The following TBC1D22A variants were observed in gnomAD, a reference collection of about 807,000 sequenced individuals.
TBC1D22A encodes TBC1 domain family member 22A.
Under a neutral mutation model 60.2 loss-of-function variants are expected in TBC1D22A, and 38 were observed. The observed-to-expected ratio is 0.63, with a 90% CI of 0.49 to 0.83. The LOEUF is 0.83. Ranked by LOEUF, TBC1D22A falls within the 40% of genes least tolerant of loss-of-function variation. The pLI is 0.00. For missense variants in TBC1D22A, 628 were observed against 701.0 expected (o/e 0.90, Z 1.18); for synonymous variants, 302 against 281.7 (o/e 1.07, Z -0.72).
intron 8 of TBC1D22A, among the ~76,000 whole-genome samples, chr22:46,967,885 C>T (rs1041502466): frequency 2.0e-5 from 3 of 151,892 alleles, no homozygotes; most frequent in African/African-American, 7.3e-5. Flanking sequence ...CTGGTAATTA[C>T]AAGCTACGAT....
intron 4 of TBC1D22A, among the ~76,000 whole-genome samples, chr22:46,823,671 G>T (rs575166752): frequency 6.6e-6 from 1 of 152,248 alleles, no homozygotes; most frequent in South Asian, 2.1e-4. Context: ...CACGTGGGCA[G>T]TACTTAATAA....
intron 11 of TBC1D22A, among the ~76,000 whole-genome samples, chr22:47,093,183 G>A (rs1011176436): frequency 3.3e-5 from 5 of 152,146 alleles, no homozygotes; most frequent in Admixed American, 6.5e-5. Flanking sequence ...GTGTGCAGGC[G>A]GTGCGGTACT....
chr22:47,158,669 A>G (rs1569477604), intron 12 of TBC1D22A, among the ~76,000 whole-genome samples: 1 of 152,166 alleles, frequency 6.6e-6, no homozygotes, highest in Non-Finnish European at 1.5e-5. Flanking sequence ...CCCCCTGCAG[A>G]GGACACACCA....
chr22:46,794,280 C>T (rs1013299531), intron 3 of TBC1D22A, among the ~76,000 whole-genome samples: 6 of 152,240 alleles, frequency 3.9e-5, no homozygotes, highest in Admixed American at 1.3e-4. Context: ...GGGGCTGGCC[C>T]TCTAGGCAGC....
chr22:46,828,391 C>T (rs139882336), intron 4 of TBC1D22A, among the ~76,000 whole-genome samples: 330 of 152,362 alleles, frequency 2.2e-3, no homozygotes, highest in African/African-American at 7.5e-3. Flanking sequence ...GTTCTAACAA[C>T]ATGTCCACTT....
intron 4 of TBC1D22A, among the ~76,000 whole-genome samples, chr22:46,857,949 A>G (rs973665359): frequency 2.0e-5 from 3 of 152,098 alleles, no homozygotes; most frequent in Non-Finnish European, 4.4e-5. Context: ...ATTCATGCAC[A>G]CGTTTTTGCA....
At chr22:47,142,057 C>T (rs1490371276) in intron 12 of TBC1D22A, among the ~76,000 whole-genome samples, 1 of 152,198 alleles carries the variant, frequency 6.6e-6, no homozygotes, top group Non-Finnish European at 1.5e-5. Flanking sequence ...TCTGCCACAG[C>T]TCTGGCCCCT....
At chr22:46,874,402 C>G (rs2067437692) in intron 4 of TBC1D22A, among the ~76,000 whole-genome samples, 1 of 152,080 alleles carries the variant, frequency 6.6e-6, no homozygotes, top group African/African-American at 2.4e-5. Context: ...CTCCCACAGA[C>G]AGTGTAAAGG....
intron 7 of TBC1D22A, among the ~76,000 whole-genome samples, chr22:46,896,961 A>G (rs2068711628): frequency 6.6e-6 from 1 of 152,078 alleles, no homozygotes; most frequent in Non-Finnish European, 1.5e-5. Context: ...AGTTTGGGAG[A>G]ATGGATAGCT....
intron 8 of TBC1D22A, among the ~76,000 whole-genome samples, chr22:46,934,571 T>C (rs2071538257): frequency 6.6e-6 from 1 of 152,232 alleles, no homozygotes; most frequent in South Asian, 2.1e-4. Context: ...GGAAGACTCT[T>C]CTTTTTTAGG....
intron 8 of TBC1D22A, among the ~76,000 whole-genome samples, chr22:46,949,141 T>G (rs1409238202): frequency 6.6e-6 from 1 of 152,204 alleles, no homozygotes; most frequent in Non-Finnish European, 1.5e-5. Context: ...AGAGACTGAT[T>G]GTGTCGCATT....
chr22:46,986,658 T>C (rs1470120515), intron 9 of TBC1D22A, among the ~76,000 whole-genome samples: 1 of 152,240 alleles, frequency 6.6e-6, no homozygotes, highest in Non-Finnish European at 1.5e-5. Context: ...CATAGCTTTG[T>C]TGGTATTTTT....
chr22:46,836,946 G>T (rs2086548961), intron 4 of TBC1D22A, among the ~76,000 whole-genome samples: 1 of 151,634 alleles, frequency 6.6e-6, no homozygotes, highest in South Asian at 2.1e-4. Flanking sequence ...ATTGCTTGAG[G>T]CTAGGAGTTT....
intron 4 of TBC1D22A, among the ~76,000 whole-genome samples, chr22:46,847,840 C>T (rs889000510): frequency 4.6e-5 from 7 of 152,108 alleles, no homozygotes; most frequent in Admixed American, 3.3e-4. Flanking sequence ...TAAATGGACA[C>T]TTTTATGTAA....
chr22:46,971,784 G>A (rs548856986), intron 8 of TBC1D22A, among the ~76,000 whole-genome samples: 10 of 152,238 alleles, frequency 6.6e-5, no homozygotes, highest in Non-Finnish European at 1.5e-4. Flanking sequence ...TTGGGCTGCC[G>A]TGGGAAATTG....
intron 4 of TBC1D22A, among the ~76,000 whole-genome samples, chr22:46,853,843 A>G (rs943235108): frequency 6.6e-6 from 1 of 152,164 alleles, no homozygotes; most frequent in South Asian, 2.1e-4. Context: ...AGTGATGGGC[A>G]CAGAGCTGGG....
chr22:47,172,959 G>C (rs1455529959), intron 12 of TBC1D22A, among the ~76,000 whole-genome samples: 1 of 152,258 alleles, frequency 6.6e-6, no homozygotes. Context: ...CTGGTGCCCG[G>C]AGGGGTCTCC....
chr22:46,767,459 A>G (rs2083326362), intron 1 of TBC1D22A, among the ~76,000 whole-genome samples: 1 of 152,232 alleles, frequency 6.6e-6, no homozygotes, highest in African/African-American at 2.4e-5. Flanking sequence ...GCAAATATGT[A>G]TTCAACCCAT....
chr22:46,841,519 A>G (rs775031523), intron 4 of TBC1D22A, among the ~76,000 whole-genome samples: 1 of 152,264 alleles, frequency 6.6e-6, no homozygotes, highest in Non-Finnish European at 1.5e-5. Context: ...CCCTTAAAAA[A>G]GAAGGTAACC....
Sources: allele counts gnomAD v4.1 joint callset (sites outside exome capture counted in the v4.1 genomes callset), GRCh38; gene constraint gnomAD v4.1.1; transcripts MANE v1.5; gene names NCBI Gene and HGNC (gene_info 2026-07-23, HGNC 2026-07-21).